ROBO2: variants seen among roughly 807,000 people sequenced by gnomAD.
The protein encoded by ROBO2 is roundabout homolog 2.
ROBO2 carries 53 observed loss-of-function variants against 160.8 expected under a neutral mutation model. The observed-to-expected ratio is 0.33, with a 90% CI of 0.26 to 0.41. The LOEUF is 0.41. Ranked by LOEUF, ROBO2 falls within the 10% of genes least tolerant of loss-of-function variation. The probability of loss-of-function intolerance (pLI) is 1.00; values close to 1 mark genes in which losing one functional copy is unlikely to be tolerated. For synonymous variants in ROBO2, 664 were observed against 611.7 expected, an observed-to-expected ratio of 1.09 and a Z score of -1.26; for missense variants, 1,577 against 1,722.4, an observed-to-expected ratio of 0.92 and a Z score of 1.49.
chr3:76,959,251 T>C (rs2079486718), intron 2 of ROBO2, among the ~76,000 whole-genome samples: 1 of 152,194 alleles, frequency 6.6e-6, no homozygotes, highest in Admixed American at 6.5e-5. Context: ...AATTTACAAG[T>C]GAAGTTGCTT....
intron 2 of ROBO2, among the ~76,000 whole-genome samples, chr3:76,079,193 A>G (rs1242706770): frequency 6.6e-6 from 1 of 152,194 alleles, no homozygotes; most frequent in East Asian, 1.9e-4. Flanking sequence ...AATGAGTACA[A>G]ATATGGTTAG....
intron 2 of ROBO2, among the ~76,000 whole-genome samples, chr3:76,755,660 C>G (rs1344903192): frequency 1.3e-5 from 2 of 151,742 alleles, no homozygotes; most frequent in Non-Finnish European, 2.9e-5. Context: ...TGGACAATAT[C>G]TTTTTTCAGT....
At chr3:77,269,191 G>A (rs2059329765) in intron 2 of ROBO2, among the ~76,000 whole-genome samples, 1 of 152,062 alleles carries the variant, frequency 6.6e-6, no homozygotes, top group Non-Finnish European at 1.5e-5. Context: ...AAAGAAAGAT[G>A]AAATTTCATG....
In ROBO2 at chr3:77,638,890, G is replaced by A. The variant is rs916996508; in HGVS notation, c.3934+3847G>A. 7.9e-5 allele frequency among the ~76,000 whole-genome samples: 11 copies of A among 139,752 alleles called. No individual in the cohort carries two copies. In the South Asian group the frequency reaches 1.6e-3, roughly 21 times the overall value. The allele number at this position is 139,752 out of a possible 152,430, so 91.7% of individuals were successfully genotyped here. ...CACCCAGGCTGGAGTGCAATGGTGC[G>A]ATCTCAGCTCACTGTAACTCCCACC... On this transcript the variant is annotated intron_variant, in intron 24 of 25. Transcript: ENST00000461745.
At chr3:77,433,026 A>G (rs2078933718) in intron 2 of ROBO2, among the ~76,000 whole-genome samples, 1 of 152,116 alleles carries the variant, frequency 6.6e-6, no homozygotes, top group Non-Finnish European at 1.5e-5. Context: ...TTTGGCGACA[A>G]TGCCTTATTG....
At chr3:76,990,631 C>T (rs1176013212) in intron 2 of ROBO2, among the ~76,000 whole-genome samples, 2 of 152,136 alleles carry the variant, frequency 1.3e-5, no homozygotes, top group Non-Finnish European at 2.9e-5. Flanking sequence ...AGGTGATGGT[C>T]ATGCAGTTGT....
chr3:76,918,708 A>G (rs2076478892), intron 2 of ROBO2, among the ~76,000 whole-genome samples: 1 of 152,222 alleles, frequency 6.6e-6, no homozygotes, highest in South Asian at 2.1e-4. Context: ...CATAATTGAA[A>G]GTCATCAAGT....
At chr3:76,675,267 A>G (rs1470714544) in intron 2 of ROBO2, among the ~76,000 whole-genome samples, 1 of 152,158 alleles carries the variant, frequency 6.6e-6, no homozygotes, top group Non-Finnish European at 1.5e-5. Context: ...GGTTCTTGCA[A>G]GGACTAGCTG....
At chr3:76,488,559 G>T (rs1488422129) in intron 2 of ROBO2, among the ~76,000 whole-genome samples, 3 of 152,088 alleles carry the variant, frequency 2.0e-5, no homozygotes, top group African/African-American at 7.2e-5. Context: ...CTGCTCTTCT[G>T]CCACTGACTT....
chr3:76,887,194 A>ATTT (rs5850296), intron 2 of ROBO2, among the ~76,000 whole-genome samples: 31 of 76,578 alleles, frequency 4.0e-4, no homozygotes, highest in African/African-American at 1.4e-3. Context: ...TTCAGGAAGC[A>ATTT]TTTTTTTTTT....
chr3:77,144,274 A>T (rs1579360531), intron 2 of ROBO2, among the ~76,000 whole-genome samples: 3 of 152,258 alleles, frequency 2.0e-5, no homozygotes, highest in Middle Eastern at 3.4e-3. Context: ...TCTCCCACAC[A>T]TTCTCCTAAT....
chr3:77,339,938 G>A (rs73108186), intron 2 of ROBO2, among the ~76,000 whole-genome samples: 26,265 of 151,942 alleles, frequency 0.17, 2,297 homozygotes, highest in Middle Eastern at 0.21. Flanking sequence ...ATCATGAATA[G>A]CAGCTTTATT....
intron 2 of ROBO2, among the ~76,000 whole-genome samples, chr3:76,862,237 C>T (rs1166965): frequency 0.1 from 15,678 of 152,098 alleles, 887 homozygotes; most frequent in South Asian, 0.12. Context: ...CATGGTTACA[C>T]GTAGCTGCAG....
At chr3:77,243,983 C>T (rs1310200338) in intron 2 of ROBO2, among the ~76,000 whole-genome samples, 1 of 152,122 alleles carries the variant, frequency 6.6e-6, no homozygotes, top group Non-Finnish European at 1.5e-5. Context: ...AGGATGTACA[C>T]ATTGTGGGAT....
Position 76,273,615 on chromosome 3 carries a change from C to G in ROBO2, c.109+336013C>G, listed in dbSNP as rs537523644. Among the ~76,000 whole-genome samples the G allele has an allele frequency of 2.0e-5, 3 of 152,082 alleles. No homozygotes were observed. In the South Asian group the frequency reaches 6.2e-4, roughly 31 times the overall value. ...CCGAGCAAAAGTGGGGAAAGCCCCT[C>G]TTAAAACCATCAGATCTCATGAGAA... On this transcript the variant is annotated intron_variant, in intron 2 of 26. Coordinates refer to the ROBO2 transcript ENST00000487694.
chr3:76,116,571 G>A (rs1576923665), intron 2 of ROBO2, among the ~76,000 whole-genome samples: 2 of 152,146 alleles, frequency 1.3e-5, no homozygotes, highest in African/African-American at 4.8e-5. Context: ...CAGAATTTAA[G>A]TCTTGCTGTG....
chr3:76,339,684 A>G (rs2074100450), intron 2 of ROBO2, among the ~76,000 whole-genome samples: 1 of 152,110 alleles, frequency 6.6e-6, no homozygotes, highest in Non-Finnish European at 1.5e-5. Context: ...CAGATCACTC[A>G]CAGACACCAA....
chr3:76,202,247 G>C (rs1365933642), intron 2 of ROBO2, among the ~76,000 whole-genome samples: 1 of 152,148 alleles, frequency 6.6e-6, no homozygotes, highest in East Asian at 1.9e-4. Context: ...AAATGGAGAA[G>C]AAAAGAGAAA....
At chr3:76,761,443 A>AG (rs1269535399) in intron 2 of ROBO2, among the ~76,000 whole-genome samples, 13 of 151,686 alleles carry the variant, frequency 8.6e-5, no homozygotes, top group Non-Finnish European at 1.8e-4. Context: ...ATTCCTTTTC[A>AG]GCCTCAAAAG....
Sources: gnomAD v4.1 joint callset for allele counts (sites outside exome capture counted in the v4.1 genomes callset) on GRCh38, gnomAD v4.1.1 for gene constraint, MANE v1.5 for transcripts, NCBI Gene and HGNC (gene_info 2026-07-23, HGNC 2026-07-21) for gene names.